The following ADSS1 variants were observed in gnomAD, a reference collection of about 807,000 sequenced individuals.
ADSS1 encodes adenylosuccinate synthase 1.
ADSS1 carries 57 observed loss-of-function variants against 59.1 expected under a neutral mutation model. The observed-to-expected ratio is 0.97, with a 90% CI of 0.78 to 1.20. ADSS1 has a LOEUF of 1.20. Among genes scored for constraint, ADSS1 ranks in the 50% most tolerant of loss-of-function variants. The pLI is 0.00. For missense variants in ADSS1, 603 were observed against 610.3 expected (o/e 0.99, Z 0.13); for synonymous variants, 247 against 249.4 (o/e 0.99, Z 0.09).
At chr14:104,725,595 C>T (rs1421857815) in intron 1 of ADSS1, among the ~76,000 whole-genome samples, 2 of 152,156 alleles carry the variant, frequency 1.3e-5, no homozygotes, top group Non-Finnish European at 2.9e-5. Context: ...GACCTCCCCC[C>T]TTGCTCTCCG....
chr14:104,728,232 G>A (rs1223354134), intron 1 of ADSS1, among the ~76,000 whole-genome samples: 4 of 152,100 alleles, frequency 2.6e-5, no homozygotes, highest in Admixed American at 1.3e-4. Context: ...GAGTCAGAGG[G>A]GCAGCTGCCT....
At chr14:104,738,314 A>G in intron 2 of ADSS1, 62 bp from the exon 3 acceptor site, 2 of 1,569,128 alleles carry the variant, frequency 1.3e-6, no homozygotes, top group East Asian at 2.3e-5. Flanking sequence ...TGCTGTTCTT[A>G]ATGTATGTTT....
At chr14:104,736,870 C>T (rs58054606) in intron 2 of ADSS1, among the ~76,000 whole-genome samples, 6,652 of 127,268 alleles carry the variant, frequency 0.052, 606 homozygotes, top group African/African-American at 0.19. Context: ...CTTATGCCAC[C>T]GCACCTAGCT....
intron 2 of ADSS1, chr14:104,737,979 G>A (rs1478648261): frequency 2.5e-5 from 6 of 243,510 alleles, no homozygotes; most frequent in Non-Finnish European, 4.9e-5. Flanking sequence ...ATTTCATGCT[G>A]GGTTGTTTTT....
Position 104,735,954 on chromosome 14 carries a change from G to C in ADSS1, c.295+832G>C, listed in dbSNP as rs549083697. ...TCCAGACTTCAGCAAGGCCATCCTT[G>C]TGATGTATCTGACCCCTTCCCAGCC... On this transcript the variant is annotated intron_variant, in intron 2 of 12. Transcript: ENST00000330877. Among the ~76,000 whole-genome samples, 102 of 152,352 alleles carry C rather than the reference G, an allele frequency of 6.7e-4. No homozygotes were observed. The South Asian group carries it at 0.02, about 30-fold the overall frequency.
chr14:104,727,580 C>A (rs964737329), intron 1 of ADSS1, among the ~76,000 whole-genome samples: 4 of 152,156 alleles, frequency 2.6e-5, no homozygotes, highest in African/African-American at 9.7e-5. Flanking sequence ...GGCACGGACA[C>A]CCCATCCTAC....
intron 12 of ADSS1, 131 bp downstream of exon 12, chr14:104,746,516 G>A (rs1187592757): frequency 6.9e-6 from 9 of 1,312,544 alleles, no homozygotes; most frequent in Non-Finnish European, 9.2e-6. Flanking sequence ...TGCATGGCAG[G>A]AGGGGAGGAC....
In ADSS1 at chr14:104,740,625, C is replaced by G. The variant is rs752562610; in HGVS notation, c.501C>G (p.Ile167Met). ...GTATAGGCACCACCAAGAAGGGAAT[C>G]GGACCAACCTACTCTTCCAAAGCTG... Reference protein sequence around the residue: ...GKNIGTTKKGIGPTYSSKAAR... With the variant: ...GKNIGTTKKGMGPTYSSKAAR... The change falls in exon 6 of 13, where the codon ATC becomes ATG. Residue 167 changes from isoleucine (I) to methionine (M), a missense_variant. Coordinates refer to ENST00000330877, the MANE Select transcript of ADSS1 (RefSeq NM_152328.5). The surrounding 1 kb of genome is among the most constrained non-coding windows in gnomAD (Gnocchi z 4.8). The G allele has an allele frequency of 6.2e-7, 1 of 1,613,792 alleles. No individual in the cohort carries two copies. Among genetic ancestry groups the G allele is most frequent in the Non-Finnish European group, 8.5e-7 (1 of 1,179,998 alleles).
chr14:104,725,787 C>G (rs969173064), intron 1 of ADSS1, among the ~76,000 whole-genome samples: 1 of 152,176 alleles, frequency 6.6e-6, no homozygotes, highest in South Asian at 2.1e-4. Context: ...GGGGCAGCCC[C>G]GGCCCCTGAC....
At chr14:104,727,674 C>G (rs1235172546) in intron 1 of ADSS1, among the ~76,000 whole-genome samples, 1 of 152,204 alleles carries the variant, frequency 6.6e-6, no homozygotes, top group Non-Finnish European at 1.5e-5. Context: ...CTGTCCAGCT[C>G]CTACCCCTCA....
chr14:104,737,715 T>G (rs1042597429), intron 2 of ADSS1: 1 of 152,224 alleles, frequency 6.6e-6, no homozygotes, highest in Non-Finnish European at 1.5e-5. Flanking sequence ...CGCCTCCCAT[T>G]CTACTTTCTA....
At chr14:104,742,085 G>GCTC in intron 9 of ADSS1, 83 bp downstream of exon 9, 1 of 1,548,298 alleles carries the variant, frequency 6.5e-7, no homozygotes. Flanking sequence ...CAGTGCCAGG[G>GCTC]TGGAGGCTCT....
intron 11 of ADSS1, 199 bp downstream of exon 11, chr14:104,745,108 G>C (rs1317224209): frequency 5.4e-6 from 3 of 551,782 alleles, no homozygotes; most frequent in Non-Finnish European, 9.8e-6. Flanking sequence ...AGGAGGCCTG[G>C]CTGGGCAGGG....
At chr14:104,727,743 C>A (rs1890758076) in intron 1 of ADSS1, among the ~76,000 whole-genome samples, 1 of 152,202 alleles carries the variant, frequency 6.6e-6, no homozygotes, top group African/African-American at 2.4e-5. Flanking sequence ...CCCAGGCTGG[C>A]AGTGCCCGGC....
Position 104,740,941 on chromosome 14 carries a change from TGG to T in ADSS1, c.666+25_666+26del. ...TCAAGGTGAAGTCGGGGCCGCAGTG[TGG>T]GGGCTGCGGAAGTGCTCCTCCAGGG... On this transcript the variant is annotated intron_variant, in intron 7 of 12. Transcript: ENST00000330877. This position sits in a 1 kb window ranked among gnomAD's most constrained non-coding sequence, Gnocchi z 4.8. 6.2e-7 allele frequency: 1 copy of T among 1,613,660 alleles called. No individual in the cohort carries two copies. Among genetic ancestry groups the T allele is most frequent in the Non-Finnish European group, 8.5e-7 (1 of 1,179,830 alleles).
At chr14:104,732,934 C>T (rs1890982400) in intron 1 of ADSS1, among the ~76,000 whole-genome samples, 1 of 152,182 alleles carries the variant, frequency 6.6e-6, no homozygotes, top group Non-Finnish European at 1.5e-5. Context: ...CTGTGACCCC[C>T]AAACCCAGAA....
intron 11 of ADSS1, chr14:104,745,113 G>A: frequency 1.8e-6 from 1 of 547,026 alleles, no homozygotes; most frequent in Admixed American, 3.1e-5. Context: ...GCCTGGCTGG[G>A]CAGGGGTGGC....
intron 1 of ADSS1, among the ~76,000 whole-genome samples, chr14:104,726,373 G>A (rs1362007033): frequency 1.3e-5 from 2 of 152,212 alleles, no homozygotes; most frequent in Non-Finnish European, 2.9e-5. Context: ...TGCGGGGACC[G>A]AGCTGGATCT....
intron 3 of ADSS1, 123 bp from the exon 4 acceptor site, chr14:104,739,205 A>G: frequency 2.0e-6 from 2 of 988,102 alleles, no homozygotes; most frequent in South Asian, 3.0e-5. Flanking sequence ...TGGCCCTGTC[A>G]GCCTCCTCCC....
Sources: allele counts gnomAD v4.1 joint callset (sites outside exome capture counted in the v4.1 genomes callset), GRCh38; gene constraint gnomAD v4.1.1; non-coding constraint Gnocchi (gnomAD v3.1); transcripts MANE v1.5; gene names NCBI Gene and HGNC (gene_info 2026-07-23, HGNC 2026-07-21).